TBC1D1: variants seen among roughly 807,000 people sequenced by gnomAD.
TBC1D1 encodes the protein TBC1 (tre-2/USP6, BUB2, cdc16) domain family, member 1.
In TBC1D1, 89 loss-of-function variants were observed where a neutral mutation model predicts 125.6. The ratio of observed to expected loss-of-function variants is 0.71; its 90% CI spans 0.60 to 0.85. TBC1D1 has a LOEUF of 0.85. Ranked by LOEUF, TBC1D1 falls within the 40% of genes least tolerant of loss-of-function variation. TBC1D1 has a pLI of 0.00. For synonymous variants in TBC1D1, 565 were observed against 564.1 expected (o/e 1.00, Z -0.02); for missense variants, 1,377 against 1,469.2 (o/e 0.94, Z 1.03).
chr4:38,049,239 T>C (rs1324156883), intron 10 of TBC1D1, among the ~76,000 whole-genome samples: 1 of 152,178 alleles, frequency 6.6e-6, no homozygotes, highest in Non-Finnish European at 1.5e-5. Flanking sequence ...GTGGCAAAGA[T>C]AAAGAACTTG....
At chr4:38,065,413 C>A (rs1212486615) in intron 12 of TBC1D1, among the ~76,000 whole-genome samples, 1 of 152,064 alleles carries the variant, frequency 6.6e-6, no homozygotes, top group African/African-American at 2.4e-5. Flanking sequence ...AGCATGGGGA[C>A]CTCCTATTCT....
At chr4:38,027,930 C>T (rs1007246054) in intron 7 of TBC1D1, 51 bp downstream of exon 7, 2 of 1,362,978 alleles carry the variant, frequency 1.5e-6, no homozygotes, top group African/African-American at 2.9e-5. Flanking sequence ...AGGCAGCTTA[C>T]CTGGGAAATG....
rs1763256926 is a variant in TBC1D1, at chr4:38,118,049, T to C, written c.2819T>C (p.Leu940Pro). 2 of 1,614,142 alleles carry C rather than the reference T, an allele frequency of 1.2e-6. No homozygotes were observed. Among genetic ancestry groups the C allele is most frequent in the Non-Finnish European group, 8.5e-7 (1 of 1,180,020 alleles). The change falls in exon 17 of 20, where the codon CTC (leucine) becomes CCC (proline). Residue 940 changes from leucine (L) to proline (P), a missense_variant. Around this residue, in one of 3 missense-constraint regions of TBC1D1, gnomAD observed 543 missense variants for 613.5 expected, o/e 0.89. Transcript: ENST00000261439. ...TTCCTGCAGATCCAGATGTACCAGC[T>C]CTCGAGGTTGCTTCATGATTACCAC...
chr4:37,894,706 A>G (rs1714164441), intron 1 of TBC1D1, among the ~76,000 whole-genome samples: 1 of 152,086 alleles, frequency 6.6e-6, no homozygotes, highest in South Asian at 2.1e-4. Flanking sequence ...TATTGCTATT[A>G]TTATGTTTAT....
intron 2 of TBC1D1, among the ~76,000 whole-genome samples, chr4:37,934,815 G>C (rs147417241): frequency 4.6e-5 from 7 of 152,260 alleles, no homozygotes; most frequent in African/African-American, 1.7e-4. Flanking sequence ...TTTTGCTGCA[G>C]TAACAAATGA....
intron 11 of TBC1D1, 53 bp downstream of exon 13, chr4:38,053,278 C>T: frequency 7.6e-7 from 1 of 1,312,328 alleles, no homozygotes; most frequent in Admixed American, 3.7e-5. Context: ...TGTTGAATAT[C>T]ATTAGATATA....
chr4:38,081,255 T>A (rs570857864), intron 12 of TBC1D1, among the ~76,000 whole-genome samples: 1 of 152,168 alleles, frequency 6.6e-6, no homozygotes, highest in African/African-American at 2.4e-5. Flanking sequence ...CATGGTGCTA[T>A]AGGCCACAGA....
intron 18 of TBC1D1, among the ~76,000 whole-genome samples, chr4:38,132,242 A>C (rs1765706188): frequency 6.6e-6 from 1 of 151,714 alleles, no homozygotes; most frequent in Admixed American, 6.6e-5. Flanking sequence ...CAGATCCATC[A>C]GATAAACGTT....
intron 15 of TBC1D1, among the ~76,000 whole-genome samples, chr4:38,104,941 G>A (rs550076010): frequency 4.6e-5 from 7 of 151,740 alleles, no homozygotes; most frequent in Non-Finnish European, 1.0e-4. Flanking sequence ...ATTTTTAGTA[G>A]AGACGGGGTT....
Position 38,049,737 on chromosome 4 carries a change from G to T in TBC1D1, c.1749G>T (p.Pro583=), listed in dbSNP as rs371632898. 8 of 1,614,002 alleles carry T rather than the reference G, an allele frequency of 5.0e-6. No individual in the cohort carries two copies. The highest frequency in any genetic ancestry group is 6.8e-6 in the Non-Finnish European group (8 of 1,180,016). ...GTCATCTCCCAGAAGAGCCAGCTCC[G>T]CTGTCGCCCCAGCAGGCCTTCAGGA... The change falls in exon 11 of 20, where the codon CCG becomes CCT. Residue 583 remains proline, a synonymous_variant. Coordinates refer to ENST00000261439, the MANE Select transcript of TBC1D1 (RefSeq NM_015173.4).
intron 2 of TBC1D1, among the ~76,000 whole-genome samples, chr4:37,972,919 AAAGAAAATAGTGTATTTGAGTATAGG>A (rs1428549762): frequency 9.9e-5 from 15 of 151,886 alleles, no homozygotes; most frequent in African/African-American, 3.6e-4. Context: ...AAAAAAAAAA[AAAGAAAATAGTGTATTTGAGTATAGG>A]ATTAGATTTT....
At chr4:38,066,562 A>G (rs1753763875) in intron 12 of TBC1D1, among the ~76,000 whole-genome samples, 1 of 152,078 alleles carries the variant, frequency 6.6e-6, no homozygotes, top group Non-Finnish European at 1.5e-5. Context: ...TGAACTCTTG[A>G]ATTAAAGCAA....
At chr4:38,087,864 A>G (rs866556764) in intron 12 of TBC1D1, among the ~76,000 whole-genome samples, 36 of 52,492 alleles carry the variant, frequency 6.9e-4, no homozygotes, top group Non-Finnish European at 7.4e-4. Context: ...AAAAAAAAAG[A>G]AAAAAAAAAA....
chr4:37,902,193 C>A lies in TBC1D1; in HGVS notation c.98C>A (p.Ser33Tyr), dbSNP rs771365715. The A allele has an allele frequency of 1.9e-6, 3 of 1,614,086 alleles. No homozygotes were observed. The East Asian group carries it at 6.7e-5, about 36-fold the overall frequency. The change falls in exon 2 of 20, where the codon TCC becomes TAC. Residue 33 changes from serine (S) to tyrosine (Y), a missense_variant. By Grantham distance (144) the Ser-to-Tyr change is moderately radical (BLOSUM62 -2). Around this residue, in one of 3 missense-constraint regions of TBC1D1, gnomAD observed 822 missense variants for 824.6 expected, o/e 1.00. Coordinates refer to ENST00000261439, the MANE Select transcript of TBC1D1 (RefSeq NM_015173.4). Reference sequence around the variant, plus strand: ...CTGGTGGGCTCCCTGCCTGTGCATTCCCTGACCACCATGCCCATGCTGCCC... The same window carrying A: ...CTGGTGGGCTCCCTGCCTGTGCATTACCTGACCACCATGCCCATGCTGCCC...
chr4:37,928,874 G>A lies in TBC1D1; in HGVS notation c.417+26362G>A, dbSNP rs79652889. ...CCTCTTTACATTACATTTTAGACGA[G>A]TAATTCTTTTGAAATCCAAGGTCAT... On this transcript the variant is annotated intron_variant, in intron 2 of 19. Coordinates refer to ENST00000261439, the MANE Select transcript of TBC1D1 (RefSeq NM_015173.4). Among the ~76,000 whole-genome samples, 3 of 152,318 alleles carry A rather than the reference G, an allele frequency of 2.0e-5. No individual in the cohort carries two copies. The East Asian group carries it at 5.8e-4, about 29-fold the overall frequency.
At chr4:38,084,252 A>G (rs2152529929) in intron 12 of TBC1D1, among the ~76,000 whole-genome samples, 1 of 152,340 alleles carries the variant, frequency 6.6e-6, no homozygotes, top group African/African-American at 2.4e-5. Context: ...TGTCTTTAAA[A>G]AATTCTGTTT....
intron 17 of TBC1D1, chr4:38,118,429 C>G: frequency 1.9e-6 from 1 of 517,224 alleles, no homozygotes; most frequent in Middle Eastern, 5.2e-4. Flanking sequence ...GGATCCGATC[C>G]GTGTAGATCC....
At chr4:38,013,176 CTT>C (rs1435752765) in intron 2 of TBC1D1, among the ~76,000 whole-genome samples, 3 of 152,150 alleles carry the variant, frequency 2.0e-5, no homozygotes, top group African/African-American at 4.8e-5. Context: ...TCTTTTGACT[CTT>C]TGTGTGATAA....
intron 2 of TBC1D1, among the ~76,000 whole-genome samples, chr4:37,907,228 A>G (rs920858547): frequency 6.6e-6 from 1 of 152,250 alleles, no homozygotes; most frequent in Non-Finnish European, 1.5e-5. Flanking sequence ...ATGGAGCACT[A>G]TATCCATAGC....
Sources: gnomAD v4.1 joint callset for allele counts (sites outside exome capture counted in the v4.1 genomes callset) on GRCh38, gnomAD v4.1.1 for gene constraint, gnomAD v4.1.1 regional missense constraint, MANE v1.5 for transcripts, NCBI Gene and HGNC (gene_info 2026-07-23, HGNC 2026-07-21) for gene names.